The following SDK1 variants were observed in gnomAD, a reference collection of about 807,000 sequenced individuals.
SDK1 encodes the protein protein sidekick-1.
SDK1 carries 157 observed loss-of-function variants against 245.5 expected under a neutral mutation model. The observed-to-expected ratio is 0.64, with a 90% CI of 0.56 to 0.73. SDK1 has a LOEUF of 0.73. Ranked by LOEUF, SDK1 falls within the 30% of genes least tolerant of loss-of-function variation. The pLI, the probability that SDK1 is intolerant of heterozygous loss-of-function variation, is 0.00. For missense variants in SDK1, 3,583 were observed against 3,002.3 expected (o/e 1.19, Z -4.52); for synonymous variants, 1,647 against 1,278.5 (o/e 1.29, Z -6.15).
chr7:3,358,891 G>T (rs1030836634), intron 1 of SDK1, among the ~76,000 whole-genome samples: 1 of 152,164 alleles, frequency 6.6e-6, no homozygotes, highest in African/African-American at 2.4e-5. Context: ...TGATTGTTAT[G>T]GGTAGGAATA....
chr7:3,655,497 A>ATG (rs1175341070), intron 4 of SDK1, among the ~76,000 whole-genome samples: 62 of 64,096 alleles, frequency 9.7e-4, no homozygotes, highest in South Asian at 1.3e-3. Flanking sequence ...ATATATATAT[A>ATG]TATATATGTA....
chr7:3,889,642 G>C (rs1262404736), intron 5 of SDK1, among the ~76,000 whole-genome samples: 1 of 152,124 alleles, frequency 6.6e-6, no homozygotes, highest in African/African-American at 2.4e-5. Flanking sequence ...CAAGTAGCTG[G>C]GACTACAGGT....
Position 3,753,692 on chromosome 7 carries a change from G to A in SDK1, c.714-67758G>A, listed in dbSNP as rs1027193602. Among the ~76,000 whole-genome samples, 34 of 152,302 alleles carry A rather than the reference G, an allele frequency of 2.2e-4. 1 individual carries two copies. The highest frequency in any genetic ancestry group is 7.9e-4 in the African/African-American group (33 of 41,564). On this transcript the variant is annotated intron_variant, in intron 4 of 44. Coordinates refer to ENST00000404826, the MANE Select transcript of SDK1 (RefSeq NM_152744.4). Reference sequence around the variant, plus strand: ...GCAAATTTTCAGGTGTCTGACTATAGTGGGATTTTTTATTATCAATGAAAT... The same window carrying A: ...GCAAATTTTCAGGTGTCTGACTATAATGGGATTTTTTATTATCAATGAAAT...
intron 1 of SDK1, among the ~76,000 whole-genome samples, chr7:3,487,919 T>A (rs978883582): frequency 1.3e-5 from 2 of 152,142 alleles, no homozygotes; most frequent in Non-Finnish European, 2.9e-5. Flanking sequence ...GTATTCAAGT[T>A]TATTAATGTA....
chr7:3,340,873 C>T (rs1025213911), intron 1 of SDK1, among the ~76,000 whole-genome samples: 1 of 152,040 alleles, frequency 6.6e-6, no homozygotes, highest in African/African-American at 2.4e-5. Flanking sequence ...TGAAATGCTC[C>T]CTTAAAAAAG....
chr7:4,164,776 C>T (rs1263350388), intron 32 of SDK1, among the ~76,000 whole-genome samples: 1 of 152,178 alleles, frequency 6.6e-6, no homozygotes, highest in South Asian at 2.1e-4. Context: ...AGGGACGTGC[C>T]TAGTGCCACC....
At chr7:3,323,973 G>A (rs972454378) in intron 1 of SDK1, among the ~76,000 whole-genome samples, 13 of 152,086 alleles carry the variant, frequency 8.5e-5, no homozygotes, top group Admixed American at 7.2e-4. Flanking sequence ...TCTTTAAGCC[G>A]TTTGGTCTCA....
At chr7:3,793,434 G>A (rs1258570367) in intron 4 of SDK1, among the ~76,000 whole-genome samples, 1 of 152,096 alleles carries the variant, frequency 6.6e-6, no homozygotes, top group East Asian at 1.9e-4. Flanking sequence ...CGTGACAAAC[G>A]CTGAATATTT....
At chr7:3,731,562 G>C (rs183051421) in intron 4 of SDK1, among the ~76,000 whole-genome samples, 2 of 152,128 alleles carry the variant, frequency 1.3e-5, no homozygotes. Context: ...CTGTTTTGTG[G>C]TTGAGATGCA....
chr7:3,427,900 G>A (rs1779721453), intron 1 of SDK1, among the ~76,000 whole-genome samples: 1 of 123,048 alleles, frequency 8.1e-6, no homozygotes, highest in African/African-American at 4.2e-5. Context: ...TCTCTTAGAT[G>A]TCGTTAGTGT....
At chr7:3,722,484 CA>C (rs989497420) in intron 4 of SDK1, among the ~76,000 whole-genome samples, 1 of 152,136 alleles carries the variant, frequency 6.6e-6, no homozygotes, top group Non-Finnish European at 1.5e-5. Flanking sequence ...GGGACACCAC[CA>C]GGGGGAAAGC....
chr7:4,090,715 T>C (rs1347497551), intron 22 of SDK1, among the ~76,000 whole-genome samples: 1 of 152,198 alleles, frequency 6.6e-6, no homozygotes, highest in Non-Finnish European at 1.5e-5. Flanking sequence ...GAGTGGGATT[T>C]AGAAACCAAG....
intron 5 of SDK1, among the ~76,000 whole-genome samples, chr7:3,909,902 G>C (rs1779104265): frequency 6.6e-6 from 1 of 151,846 alleles, no homozygotes; most frequent in Non-Finnish European, 1.5e-5. Flanking sequence ...TAATGAGCAG[G>C]AGGGATTATT....
At chr7:3,920,258 G>T (rs187958883) in intron 5 of SDK1, among the ~76,000 whole-genome samples, 198 of 152,262 alleles carry the variant, frequency 1.3e-3, no homozygotes, top group African/African-American at 4.6e-3. Context: ...TTAGCCTAGG[G>T]GTGTTTTAGG....
chr7:4,095,960 G>A (rs990891377), intron 22 of SDK1, among the ~76,000 whole-genome samples: 2 of 152,196 alleles, frequency 1.3e-5, no homozygotes, highest in African/African-American at 2.4e-5. Flanking sequence ...ATGTTTGGGG[G>A]CCCACCAGTC....
At chr7:4,053,714 CAG>C (rs963849902) in intron 19 of SDK1, among the ~76,000 whole-genome samples, 16 of 152,084 alleles carry the variant, frequency 1.1e-4, no homozygotes, top group Admixed American at 2.0e-4. Flanking sequence ...AAATGAGTGA[CAG>C]GGGAGGAATA....
chr7:3,828,785 G>A (rs1433154518), intron 5 of SDK1, among the ~76,000 whole-genome samples: 1 of 151,414 alleles, frequency 6.6e-6, no homozygotes. Context: ...TTGAGTAGCT[G>A]GGACTACAGG....
At chr7:4,139,719 GTATGTGTGTGTGTGTGTA>G (rs1779434149) in intron 28 of SDK1, among the ~76,000 whole-genome samples, 5 of 18,814 alleles carry the variant, frequency 2.7e-4, no homozygotes, top group South Asian at 1.6e-3. Flanking sequence ...GTGTGTGTGT[GTATGTGTGTGTGTGTGTA>G]TGTGTGTGTG....
Position 4,129,893 on chromosome 7 carries a change from G to C in SDK1, c.3940-15G>C. 1 of 1,613,120 alleles carries C rather than the reference G, an allele frequency of 6.2e-7. No individual in the cohort carries two copies. Among genetic ancestry groups the C allele is most frequent in the Non-Finnish European group, 8.5e-7 (1 of 1,179,762 alleles). On this transcript the variant is annotated splice_polypyrimidine_tract_variant and intron_variant, in intron 26 of 44. Coordinates refer to ENST00000404826, the MANE Select transcript of SDK1 (RefSeq NM_152744.4). Reference sequence around the variant, plus strand: ...CCCGCCTCCTGATAACCCTCGTGCTGTGTCGATACCACAGATCCTGTTCCG... The same window carrying C: ...CCCGCCTCCTGATAACCCTCGTGCTCTGTCGATACCACAGATCCTGTTCCG...
Sources: allele counts gnomAD v4.1 joint callset (sites outside exome capture counted in the v4.1 genomes callset), GRCh38; gene constraint gnomAD v4.1.1; transcripts MANE v1.5; gene names NCBI Gene and HGNC (gene_info 2026-07-23, HGNC 2026-07-21).